PDE4D: variants seen among roughly 807,000 people sequenced by gnomAD.
PDE4D encodes the protein phosphodiesterase 4D.
PDE4D carries 24 observed loss-of-function variants against 87.4 expected under a neutral mutation model. That is an observed-to-expected ratio of 0.27 (90% CI 0.20 to 0.39). PDE4D has a LOEUF of 0.39. PDE4D is among the 10% of genes least tolerant of loss of function. PDE4D has a pLI of 1.00. For missense variants in PDE4D, 714 were observed against 1,041.0 expected (o/e 0.69, Z 4.32); for synonymous variants, 384 against 383.2 (o/e 1.00, Z -0.02).
rs191209705 is a variant in PDE4D, at chr5:59,193,797, A to G, written c.648-261T>C. On this transcript the variant is annotated intron_variant, in intron 2 of 14. Coordinates refer to ENST00000340635, the MANE Select transcript of PDE4D (RefSeq NM_001104631.2). ...GGTCACTGTTGCTTTTTAGGCACAC[A>G]GGATATGCAATAGTAGAAATGGTGT... The G allele has an allele frequency of 5.5e-5, 54 of 985,334 alleles. No individual in the cohort carries two copies. The Admixed American group carries it at 2.2e-3, about 40-fold the overall frequency. 61.0% of individuals were successfully genotyped at this position (985,334 alleles called of 1,614,324 possible).
chr5:59,217,947 T>A, intron 1 of PDE4D: 1 of 457,916 alleles, frequency 2.2e-6, no homozygotes, highest in Non-Finnish European at 4.4e-6. Flanking sequence ...AAGCACTTAA[T>A]ATGAGTGCAT....
chr5:59,691,631 A>G (rs1464158196), intron 1 of PDE4D, among the ~76,000 whole-genome samples: 1 of 151,902 alleles, frequency 6.6e-6, no homozygotes, highest in Non-Finnish European at 1.5e-5. Context: ...ATGACAAGTT[A>G]ACGGGTGCAG....
chr5:60,447,609 T>C (rs1424820233), intron 1 of PDE4D, among the ~76,000 whole-genome samples: 1 of 151,944 alleles, frequency 6.6e-6, no homozygotes, highest in Non-Finnish European at 1.5e-5. Context: ...GGAAGTTATC[T>C]CAAAGGTCAC....
At chr5:60,049,812 T>C (rs1769858509) in intron 2 of PDE4D, among the ~76,000 whole-genome samples, 2 of 152,174 alleles carry the variant, frequency 1.3e-5, no homozygotes, top group Non-Finnish European at 2.9e-5. Context: ...GTCACTGCTG[T>C]CTTTTTGTTT....
chr5:59,639,366 TAGAA>T (rs1454485133), intron 1 of PDE4D, among the ~76,000 whole-genome samples: 4 of 152,190 alleles, frequency 2.6e-5, no homozygotes, highest in Admixed American at 2.6e-4. Flanking sequence ...ATTGGTGCTT[TAGAA>T]AGATAGTTCT....
chr5:60,508,561 A>G (rs1255841029), intron 1 of PDE4D, among the ~76,000 whole-genome samples: 1 of 152,244 alleles, frequency 6.6e-6, no homozygotes, highest in Admixed American at 6.5e-5. Flanking sequence ...ATATCCATTG[A>G]CCAACAAAAA....
chr5:59,998,117 C>G (rs1479153291), intron 2 of PDE4D, among the ~76,000 whole-genome samples: 1 of 152,160 alleles, frequency 6.6e-6, no homozygotes, highest in Non-Finnish European at 1.5e-5. Context: ...TAAGACCTCT[C>G]AGTTCTAACT....
upstream of PDE4D, among the ~76,000 whole-genome samples, chr5:59,894,726 C>T (rs1751455375): frequency 1.3e-5 from 2 of 152,224 alleles, no homozygotes; most frequent in African/African-American, 4.8e-5. Flanking sequence ...AGCTCTATTA[C>T]TAAAGTGTTT....
In PDE4D at chr5:59,695,786, T is replaced by C. The variant is rs377170059; in HGVS notation, c.455+197382A>G. Among the ~76,000 whole-genome samples the C allele has an allele frequency of 2.6e-5, 4 of 151,992 alleles. No homozygotes were observed. The East Asian group carries it at 7.8e-4, about 30-fold the overall frequency. The stretch of plus-strand genomic sequence containing the variant: ...CTGGCTAATTTTTTGTTGTTGTATT[T>C]TTTGTAGAGATGGGGTTTCACCACG... On this transcript the variant is annotated intron_variant, in intron 1 of 14. Coordinates refer to ENST00000340635, the MANE Select transcript of PDE4D (RefSeq NM_001104631.2).
At chr5:59,010,097 A>G (rs1039669073) in intron 6 of PDE4D, among the ~76,000 whole-genome samples, 3 of 152,148 alleles carry the variant, frequency 2.0e-5, no homozygotes, top group Admixed American at 6.5e-5. Flanking sequence ...AGGCCGAGGC[A>G]GGCAGATTGC....
chr5:59,386,648 A>G (rs1787073508), intron 1 of PDE4D, among the ~76,000 whole-genome samples: 1 of 134,538 alleles, frequency 7.4e-6, no homozygotes, highest in South Asian at 2.6e-4. Flanking sequence ...TTGTCAAGAA[A>G]GAAAGAAAGA....
intron 1 of PDE4D, among the ~76,000 whole-genome samples, chr5:59,376,057 A>G (rs1165740760): frequency 6.6e-6 from 1 of 152,226 alleles, no homozygotes; most frequent in African/African-American, 2.4e-5. Flanking sequence ...AGAGCCATCA[A>G]TGATATACCC....
intron 1 of PDE4D, among the ~76,000 whole-genome samples, chr5:59,244,007 A>C (rs1178318222): frequency 6.6e-6 from 1 of 152,210 alleles, no homozygotes; most frequent in African/African-American, 2.4e-5. Context: ...AATATTGAAT[A>C]AATCATTTTA....
intron 1 of PDE4D, chr5:60,372,395 G>C (rs1276794465): frequency 2.0e-5 from 3 of 152,148 alleles, no homozygotes; most frequent in Admixed American, 2.0e-4. Context: ...CTTTCTCAAT[G>C]GTCCACCAAT....
At chr5:60,226,006 G>T (rs1033194203) in intron 1 of PDE4D, among the ~76,000 whole-genome samples, 1 of 151,982 alleles carries the variant, frequency 6.6e-6, no homozygotes, top group African/African-American at 2.4e-5. Flanking sequence ...ATAAGTATAT[G>T]GATATGCAGG....
At chr5:59,126,844 G>A (rs1366940035) in intron 5 of PDE4D, among the ~76,000 whole-genome samples, 17 of 152,138 alleles carry the variant, frequency 1.1e-4, no homozygotes, top group Non-Finnish European at 2.9e-5. Flanking sequence ...AATAAAGCGT[G>A]TTATACAGCT....
At chr5:59,697,449 ACTTT>A (rs1214406739) in intron 1 of PDE4D, among the ~76,000 whole-genome samples, 2 of 152,112 alleles carry the variant, frequency 1.3e-5, no homozygotes, top group African/African-American at 4.8e-5. Context: ...AATAACAGGA[ACTTT>A]CTATGTTCTA....
intron 2 of PDE4D, among the ~76,000 whole-genome samples, chr5:59,999,143 C>T (rs965212110): frequency 6.6e-6 from 1 of 152,138 alleles, no homozygotes; most frequent in Non-Finnish European, 1.5e-5. Flanking sequence ...AGGCATTTCA[C>T]GTCAACCATG....
chr5:60,018,152 C>T (rs569161812), intron 2 of PDE4D, among the ~76,000 whole-genome samples: 17 of 151,694 alleles, frequency 1.1e-4, no homozygotes, highest in African/African-American at 4.1e-4. Flanking sequence ...TCAGAAGAAA[C>T]CCTACAAGCT....
Sources: gnomAD v4.1 joint callset for allele counts (sites outside exome capture counted in the v4.1 genomes callset) on GRCh38, gnomAD v4.1.1 for gene constraint, MANE v1.5 for transcripts, NCBI Gene and HGNC (gene_info 2026-07-23, HGNC 2026-07-21) for gene names.